The following CAMTA1 variants were observed in gnomAD, a reference collection of about 807,000 sequenced individuals.
CAMTA1 encodes calmodulin-binding transcription activator 1.
In CAMTA1, 27 loss-of-function variants were observed where a neutral mutation model predicts 170.9. The observed-to-expected ratio is 0.16, with a 90% CI of 0.12 to 0.22. The LOEUF (loss-of-function observed/expected upper bound fraction) is 0.22, where lower values mean the gene tolerates loss of function less well. CAMTA1 is among the 10% of genes least tolerant of loss of function. The pLI, the probability that CAMTA1 is intolerant of heterozygous loss-of-function variation, is 1.00. For synonymous variants in CAMTA1, 833 were observed against 891.5 expected, an observed-to-expected ratio of 0.93 and a Z score of 1.17; for missense variants, 1,619 against 2,217.2, an observed-to-expected ratio of 0.73 and a Z score of 5.42.
At chr1:7,653,414 C>G (rs971432460) in intron 7 of CAMTA1, among the ~76,000 whole-genome samples, 1 of 152,116 alleles carries the variant, frequency 6.6e-6, no homozygotes, top group Admixed American at 6.5e-5. Flanking sequence ...AGGTGCCCAC[C>G]ACCACACCAG....
At chr1:7,407,096 A>C (rs953275384) in intron 5 of CAMTA1, among the ~76,000 whole-genome samples, 2 of 152,196 alleles carry the variant, frequency 1.3e-5, no homozygotes, top group Non-Finnish European at 2.9e-5. Flanking sequence ...TGCTCGATTC[A>C]TTGAAGGCAG....
At chr1:6,855,740 TAAG>T (rs542633547) in intron 3 of CAMTA1, among the ~76,000 whole-genome samples, 105 of 152,056 alleles carry the variant, frequency 6.9e-4, no homozygotes, top group Non-Finnish European at 1.2e-3. Flanking sequence ...GGAATCGAAG[TAAG>T]GAGGGATTTG....
At chr1:7,628,780 C>T (rs1226799162) in intron 6 of CAMTA1, among the ~76,000 whole-genome samples, 1 of 152,274 alleles carries the variant, frequency 6.6e-6, no homozygotes, top group Non-Finnish European at 1.5e-5. Context: ...GGGAGGGCAG[C>T]AGGCCTGGCT....
intron 3 of CAMTA1, among the ~76,000 whole-genome samples, chr1:6,842,343 C>T (rs1656139387): frequency 6.6e-6 from 1 of 152,172 alleles, no homozygotes; most frequent in South Asian, 2.1e-4. Context: ...AAGAGCCAGG[C>T]CTCCTCCTGC....
intron 4 of CAMTA1, among the ~76,000 whole-genome samples, chr1:7,223,336 A>G (rs1035124492): frequency 3.3e-5 from 5 of 152,010 alleles, no homozygotes; most frequent in African/African-American, 1.2e-4. Flanking sequence ...GCGTGTGAGT[A>G]TGTGTATGTG....
intron 5 of CAMTA1, among the ~76,000 whole-genome samples, chr1:7,271,365 A>C (rs1420484084): frequency 1.3e-5 from 2 of 152,214 alleles, no homozygotes; most frequent in Non-Finnish European, 2.9e-5. Flanking sequence ...TGATAAAATA[A>C]ACTTGTGTTG....
At chr1:7,276,299 A>ATTTTTTTTTTTTTTT (rs1440153127) in intron 5 of CAMTA1, among the ~76,000 whole-genome samples, 1 of 21,398 alleles carries the variant, frequency 4.7e-5, no homozygotes, top group African/African-American at 4.9e-4. Flanking sequence ...ATATATATAT[A>ATTTTTTTTTTTTTTT]TATATTTTTT....
At chr1:7,140,672 T>C (rs775007775) in intron 4 of CAMTA1, among the ~76,000 whole-genome samples, 154 of 152,306 alleles carry the variant, frequency 1.0e-3, no homozygotes, top group Middle Eastern at 6.8e-3. Flanking sequence ...AAAAAAGCTA[T>C]CTGTGGAGAT....
chr1:6,837,039 C>A (rs1048060855), intron 3 of CAMTA1, among the ~76,000 whole-genome samples: 1 of 151,646 alleles, frequency 6.6e-6, no homozygotes, highest in Non-Finnish European at 1.5e-5. Flanking sequence ...CTGCAATCTC[C>A]GCCACCCGGG....
chr1:7,496,445 C>A (rs370737705), intron 6 of CAMTA1, among the ~76,000 whole-genome samples: 88 of 152,254 alleles, frequency 5.8e-4, no homozygotes, highest in African/African-American at 1.9e-3. Flanking sequence ...GTCTGTGTCC[C>A]CCAACCTGTC....
intron 6 of CAMTA1, among the ~76,000 whole-genome samples, chr1:7,572,844 G>A (rs1486819995): frequency 6.6e-6 from 1 of 152,164 alleles, no homozygotes; most frequent in Non-Finnish European, 1.5e-5. Flanking sequence ...AAGATAAAAG[G>A]CTGCCAGGGC....
chr1:7,551,461 C>T lies in CAMTA1; in HGVS notation c.510+83560C>T, dbSNP rs1027764726. ...TTCCCAGACGCTTGTTCCTTCTCTC[C>T]ATTCGTAACAGAGCATGCCTGAAGT... On this transcript the variant is annotated intron_variant, in intron 6 of 22. Coordinates refer to ENST00000303635, the MANE Select transcript of CAMTA1 (RefSeq NM_015215.4). Among the ~76,000 whole-genome samples, 5 of 152,200 alleles carry T rather than the reference C, an allele frequency of 3.3e-5. No individual in the cohort carries two copies. The South Asian group carries it at 8.3e-4, about 25-fold the overall frequency.
intron 3 of CAMTA1, among the ~76,000 whole-genome samples, chr1:7,030,093 A>G (rs976891120): frequency 1.3e-5 from 2 of 152,218 alleles, no homozygotes; most frequent in African/African-American, 2.4e-5. Context: ...AGAATTGTGA[A>G]TATTTCTCTT....
At chr1:7,444,875 C>T (rs1372375926) in intron 5 of CAMTA1, among the ~76,000 whole-genome samples, 1 of 152,238 alleles carries the variant, frequency 6.6e-6, no homozygotes, top group African/African-American at 2.4e-5. Context: ...TGAGCACCTA[C>T]TGTATGCCAG....
At chr1:7,250,151 T>C (rs1292512474) in intron 5 of CAMTA1, among the ~76,000 whole-genome samples, 1 of 152,202 alleles carries the variant, frequency 6.6e-6, no homozygotes, top group Admixed American at 6.5e-5. Context: ...GTTGGGGTCC[T>C]GCAGAAACAT....
chr1:7,467,967 G>A (rs1001423783), intron 6 of CAMTA1, 66 bp downstream of exon 6: 2 of 1,341,704 alleles, frequency 1.5e-6, no homozygotes, highest in African/African-American at 1.4e-5. Flanking sequence ...GGAGGGCACT[G>A]AGGGCGCGGG....
At chr1:7,200,880 GA>G (rs1656553858) in intron 4 of CAMTA1, among the ~76,000 whole-genome samples, 1 of 152,122 alleles carries the variant, frequency 6.6e-6, no homozygotes, top group Non-Finnish European at 1.5e-5. Context: ...TAAAAATTTT[GA>G]AAAACAGCTT....
chr1:7,397,378 T>C (rs1277272927), intron 5 of CAMTA1, among the ~76,000 whole-genome samples: 1 of 152,106 alleles, frequency 6.6e-6, no homozygotes, highest in Non-Finnish European at 1.5e-5. Flanking sequence ...GAGTTTTCTC[T>C]CTTTGTTCCT....
intron 6 of CAMTA1, among the ~76,000 whole-genome samples, chr1:7,610,950 G>A (rs999950449): frequency 6.6e-6 from 1 of 152,230 alleles, no homozygotes; most frequent in Non-Finnish European, 1.5e-5. Context: ...AGGCCCCCAG[G>A]CAGAGGGGAA....
Sources: allele counts gnomAD v4.1 joint callset (sites outside exome capture counted in the v4.1 genomes callset), GRCh38; gene constraint gnomAD v4.1.1; transcripts MANE v1.5; gene names NCBI Gene and HGNC (gene_info 2026-07-23, HGNC 2026-07-21).